The following FGF2 variants were observed in gnomAD, a reference collection of about 807,000 sequenced individuals.
The protein encoded by FGF2 is basic fibroblast growth factor bFGF.
FGF2 carries 13 observed loss-of-function variants against 15.9 expected under a neutral mutation model. That is an observed-to-expected ratio of 0.82 (90% CI 0.53 to 1.30). FGF2 has a LOEUF of 1.30. Ranked by LOEUF, FGF2 falls within the 50% of genes most tolerant of loss-of-function variation. FGF2 has a pLI of 0.00. For synonymous variants in FGF2, 90 were observed against 78.4 expected, an observed-to-expected ratio of 1.15 and a Z score of -0.78; for missense variants, 163 against 196.9, an observed-to-expected ratio of 0.83 and a Z score of 1.03.
chr4:122,894,387 T>A lies in FGF2; in HGVS notation c.*1991T>A, dbSNP rs1311806434. 6.6e-6 allele frequency: 1 copy of A among 152,262 alleles called. No individual in the cohort carries two copies. Among genetic ancestry groups the A allele is most frequent in the Non-Finnish European group, 1.5e-5 (1 of 68,234 alleles). 9.4% of individuals were successfully genotyped at this position (152,262 alleles called of 1,614,324 possible). A position where few individuals can be genotyped will look rare whatever the true frequency, so the allele number is the denominator to read the frequency against. ...AGGAGGATCGCTTGAGCCCAGGAGT[T>A]CAAGACCAACCTGGTGAAACCCCGT... is the stretch of plus-strand genomic sequence containing the variant. On this transcript the variant is annotated 3_prime_UTR_variant, in exon 3 of 3. Coordinates refer to ENST00000644866, the MANE Select transcript of FGF2 (RefSeq NM_001361665.2).
chr4:122,862,221 G>A (rs1165343756), intron 1 of FGF2, among the ~76,000 whole-genome samples: 1 of 152,142 alleles, frequency 6.6e-6, no homozygotes, highest in African/African-American at 2.4e-5. Context: ...ACACTGACTT[G>A]TCTGTTTCCA....
intron 2 of FGF2, among the ~76,000 whole-genome samples, chr4:122,883,533 C>T (rs1259460843): frequency 6.6e-6 from 1 of 152,178 alleles, no homozygotes; most frequent in African/African-American, 2.4e-5. Flanking sequence ...CAACAGACTT[C>T]TTACTCCATT....
chr4:122,861,631 G>C (rs1553948652), intron 1 of FGF2, among the ~76,000 whole-genome samples: 1 of 151,618 alleles, frequency 6.6e-6, no homozygotes, highest in African/African-American at 2.4e-5. Context: ...TCTGTCCTTT[G>C]TCCCCACTGT....
chr4:122,866,473 A>G (rs569915547), intron 1 of FGF2, among the ~76,000 whole-genome samples: 8 of 152,380 alleles, frequency 5.3e-5, no homozygotes, highest in African/African-American at 1.9e-4. Flanking sequence ...AGAACATATA[A>G]TGAACTCTTT....
intron 1 of FGF2, among the ~76,000 whole-genome samples, chr4:122,873,864 G>C (rs1418160460): frequency 6.6e-6 from 1 of 152,256 alleles, no homozygotes; most frequent in Middle Eastern, 3.4e-3. Flanking sequence ...TACATGTAAT[G>C]CTTATTGCTT....
At chr4:122,887,223 A>T (rs941457606) in intron 2 of FGF2, among the ~76,000 whole-genome samples, 1 of 152,220 alleles carries the variant, frequency 6.6e-6, no homozygotes, top group Non-Finnish European at 1.5e-5. Flanking sequence ...CTGAGGCAGG[A>T]GAATCACTTC....
chr4:122,872,861 A>G (rs1458496415), intron 1 of FGF2, among the ~76,000 whole-genome samples: 1 of 152,208 alleles, frequency 6.6e-6, no homozygotes, highest in Non-Finnish European at 1.5e-5. Context: ...GCCTTACCGG[A>G]GCTCCTGAAA....
intron 1 of FGF2, among the ~76,000 whole-genome samples, chr4:122,831,309 C>T (rs1190041877): frequency 6.6e-6 from 1 of 152,150 alleles, no homozygotes; most frequent in African/African-American, 2.4e-5. Context: ...TAGGCTTCCT[C>T]CATTTCAGGG....
rs1274541924 is a variant in FGF2, at chr4:122,896,188, T to C, written c.*3792T>C. The C allele has an allele frequency of 1.3e-5, 2 of 152,618 alleles. No individual in the cohort carries two copies. Among genetic ancestry groups the C allele is most frequent in the Non-Finnish European group, 1.5e-5 (1 of 68,038 alleles). The allele number at this position is 152,618 out of a possible 1,614,324, so 9.5% of individuals were successfully genotyped here. ...TTGTGACAACCACAAGCACTTTTTT[T>C]TTTTTTAAAGAAAAAAAGGTAGTGA... On this transcript the variant is annotated 3_prime_UTR_variant, in exon 3 of 3. Transcript: ENST00000644866.
At chr4:122,836,426 C>T (rs1365306769) in intron 1 of FGF2, among the ~76,000 whole-genome samples, 3 of 152,202 alleles carry the variant, frequency 2.0e-5, no homozygotes, top group Non-Finnish European at 2.9e-5. Context: ...TCTTTCACAT[C>T]ATCCTGTATC....
intron 1 of FGF2, among the ~76,000 whole-genome samples, chr4:122,865,986 C>T (rs1406581396): frequency 6.6e-6 from 1 of 152,150 alleles, no homozygotes; most frequent in Non-Finnish European, 1.5e-5. Flanking sequence ...TTAGATATGA[C>T]ACCAAAAGTA....
At position 122,827,594 on chromosome 4, in the gene FGF2, C is replaced by T. The variant is rs893753868; in HGVS notation, c.178+242C>T. On this transcript the variant is annotated intron_variant, in intron 1 of 2. Coordinates refer to ENST00000644866, the MANE Select transcript of FGF2 (RefSeq NM_001361665.2). This position sits in a 1 kb window ranked among gnomAD's most constrained non-coding sequence, Gnocchi z 4.2. The stretch of plus-strand genomic sequence containing the variant: ...TGCCAATTTGCCCTGTAAACCAGTA[C>T]CCCCGGCCCGGAGCCGCGGCGCGCC... Among the ~76,000 whole-genome samples, 2 of 152,024 alleles carry T rather than the reference C, an allele frequency of 1.3e-5. No homozygotes were observed. Among genetic ancestry groups the T allele is most frequent in the Non-Finnish European group, 2.9e-5 (2 of 67,994 alleles).
rs554942649 is a variant in FGF2, at chr4:122,839,533, C to T, written c.178+12181C>T. Among the ~76,000 whole-genome samples the T allele has an allele frequency of 1.2e-4, 19 of 152,244 alleles. No homozygotes were observed. The South Asian group carries it at 3.5e-3, about 28-fold the overall frequency. ...AAGAAAGCATGTAGCAAGACACGTC[C>T]GGAAAAGTGTCTAAAAATTAAACTC... On this transcript the variant is annotated intron_variant, in intron 1 of 2. Transcript: ENST00000644866.
chr4:122,865,687 T>A (rs1332666499), intron 1 of FGF2, among the ~76,000 whole-genome samples: 3 of 152,240 alleles, frequency 2.0e-5, no homozygotes, highest in Non-Finnish European at 4.4e-5. Context: ...ATCATATGAT[T>A]TCAGTCATTT....
At position 122,892,947 on chromosome 4, in the gene FGF2, C is replaced by A. The variant is rs1560761847; in HGVS notation, c.*551C>A. On this transcript the variant is annotated 3_prime_UTR_variant, in exon 3 of 3. Transcript: ENST00000644866. ...ACAGTCAGGTCAATTTTGTCAAACC[C>A]TTCTCTGTACCCATACAGCAGCAGC... is the stretch of plus-strand genomic sequence containing the variant. 6.2e-7 allele frequency: 1 copy of A among 1,614,006 alleles called. No homozygotes were observed. Among genetic ancestry groups the A allele is most frequent in the Admixed American group, 1.7e-5 (1 of 59,994 alleles).
chr4:122,868,482 G>A (rs1447330560), intron 1 of FGF2, among the ~76,000 whole-genome samples: 2 of 152,096 alleles, frequency 1.3e-5, no homozygotes, highest in Admixed American at 6.5e-5. Context: ...AATATTCCAC[G>A]GTGTGTGTGT....
intron 1 of FGF2, among the ~76,000 whole-genome samples, chr4:122,833,239 C>G (rs1329848388): frequency 2.0e-5 from 3 of 151,780 alleles, no homozygotes; most frequent in East Asian, 1.9e-4. Context: ...CTATTGACTT[C>G]TGCAATTTAA....
At chr4:122,853,244 G>A (rs1419363243) in intron 1 of FGF2, among the ~76,000 whole-genome samples, 7 of 152,192 alleles carry the variant, frequency 4.6e-5, no homozygotes, top group Non-Finnish European at 1.0e-4. Flanking sequence ...GCTGCAGTGA[G>A]CCATGATCAT....
At chr4:122,864,648 C>G (rs1223960826) in intron 1 of FGF2, among the ~76,000 whole-genome samples, 1 of 152,176 alleles carries the variant, frequency 6.6e-6, no homozygotes, top group African/African-American at 2.4e-5. Context: ...TTTCCTTGAA[C>G]TCATGAATGT....
Sources: allele counts gnomAD v4.1 joint callset (sites outside exome capture counted in the v4.1 genomes callset), GRCh38; gene constraint gnomAD v4.1.1; non-coding constraint Gnocchi (gnomAD v3.1); transcripts MANE v1.5; gene names NCBI Gene and HGNC (gene_info 2026-07-23, HGNC 2026-07-21).